Variants in SPIN1 observed in about 807,000 individuals in gnomAD.
The protein encoded by SPIN1 is spindlin 1, also known as spindlin-1.
A neutral mutation model predicts 26.0 loss-of-function variants in SPIN1; 3 were observed. That is an observed-to-expected ratio of 0.12 (90% confidence interval 0.05 to 0.30). The LOEUF (loss-of-function observed/expected upper bound fraction) is 0.30. Among genes scored for constraint, SPIN1 ranks in the 10% least tolerant of loss-of-function variants. The pLI, the probability that SPIN1 is intolerant of heterozygous loss-of-function variation, is 1.00. For synonymous variants in SPIN1, 101 were observed against 116.5 expected (o/e 0.87, Z 0.86); for missense variants, 126 against 333.4 (o/e 0.38, Z 4.84).
intron 4 of SPIN1, among the ~76,000 whole-genome samples, chr9:88,463,972 T>C (rs1294945830): frequency 6.6e-6 from 1 of 152,198 alleles, no homozygotes. Flanking sequence ...AGACGACAGC[T>C]AGCTCACTTG....
chr9:88,425,849 C>T (rs1204930674), intron 1 of SPIN1, among the ~76,000 whole-genome samples: 1 of 152,084 alleles, frequency 6.6e-6, no homozygotes, highest in African/African-American at 2.4e-5. Context: ...TTCTCTTGCC[C>T]AAGACCCTGG....
chr9:88,393,797 C>G (rs894079605), intron 1 of SPIN1, among the ~76,000 whole-genome samples: 2 of 151,624 alleles, frequency 1.3e-5, no homozygotes, highest in South Asian at 2.1e-4. Flanking sequence ...TTTTTTCTTT[C>G]TCTCTTTAGC....
At chr9:88,441,397 T>TCG (rs1398175693) in intron 2 of SPIN1, among the ~76,000 whole-genome samples, 1,138 of 102,126 alleles carry the variant, frequency 0.011, 23 homozygotes, top group African/African-American at 0.072. Context: ...TTGCTGCCAT[T>TCG]CGTGTGTGTG....
At chr9:88,392,585 C>T (rs1204976967) in intron 1 of SPIN1, among the ~76,000 whole-genome samples, 2 of 151,958 alleles carry the variant, frequency 1.3e-5, no homozygotes, top group East Asian at 3.9e-4. Flanking sequence ...CCTCTCCTCT[C>T]CTCTCTTCTC....
chr9:88,449,821 G>A (rs2118137717), intron 3 of SPIN1, among the ~76,000 whole-genome samples: 1 of 152,134 alleles, frequency 6.6e-6, no homozygotes, highest in East Asian at 1.9e-4. Flanking sequence ...ACCATCGTGA[G>A]GCACTCTTAA....
intron 2 of SPIN1, among the ~76,000 whole-genome samples, chr9:88,431,572 A>G (rs915209327): frequency 3.9e-5 from 6 of 152,222 alleles, no homozygotes; most frequent in Non-Finnish European, 8.8e-5. Context: ...TTACAGAAGT[A>G]GGCCACTGTG....
intron 2 of SPIN1, among the ~76,000 whole-genome samples, chr9:88,442,309 A>G (rs184710816): frequency 5.4e-4 from 81 of 151,290 alleles, no homozygotes; most frequent in Non-Finnish European, 4.4e-4. Context: ...AGTTCCCTCT[A>G]CTATCTTCCT....
intron 1 of SPIN1, among the ~76,000 whole-genome samples, chr9:88,399,538 C>G (rs1347964488): frequency 6.6e-6 from 1 of 152,064 alleles, no homozygotes; most frequent in Non-Finnish European, 1.5e-5. Context: ...GGATCCTTGG[C>G]AAATGTAGCC....
intron 1 of SPIN1, among the ~76,000 whole-genome samples, chr9:88,409,727 A>C (rs1827396552): frequency 6.6e-6 from 1 of 151,798 alleles, no homozygotes; most frequent in South Asian, 2.1e-4. Flanking sequence ...AGTCCCAGCT[A>C]CTCAGGAGGC....
intron 4 of SPIN1, among the ~76,000 whole-genome samples, chr9:88,465,688 G>A (rs1034493308): frequency 1.3e-5 from 2 of 152,138 alleles, no homozygotes; most frequent in Non-Finnish European, 1.5e-5. Flanking sequence ...ATGTTCTGGA[G>A]ACATGAGTTT....
chr9:88,444,044 C>A (rs918135032), intron 2 of SPIN1, among the ~76,000 whole-genome samples: 10 of 151,978 alleles, frequency 6.6e-5, no homozygotes, highest in African/African-American at 2.4e-4. Flanking sequence ...GCCTGCCTCT[C>A]CAGTTTTGGG....
intron 1 of SPIN1, among the ~76,000 whole-genome samples, chr9:88,413,546 G>C (rs1220228444): frequency 6.6e-6 from 1 of 150,598 alleles, no homozygotes; most frequent in Non-Finnish European, 1.5e-5. Context: ...ACCACACCTG[G>C]CTAATTTTTT....
intron 2 of SPIN1, among the ~76,000 whole-genome samples, chr9:88,447,463 G>A (rs1329905082): frequency 1.3e-5 from 2 of 152,046 alleles, no homozygotes; most frequent in African/African-American, 4.8e-5. Context: ...ATGCCCTTTC[G>A]AGACTGTTGG....
chr9:88,410,463 T>A, intron 1 of SPIN1: 1 of 686,198 alleles, frequency 1.5e-6, no homozygotes, highest in East Asian at 2.8e-5. Context: ...TTCACAAATC[T>A]GTTTTAACCT....
intron 2 of SPIN1, among the ~76,000 whole-genome samples, chr9:88,430,946 G>A (rs1238843362): frequency 2.7e-5 from 4 of 148,978 alleles, no homozygotes; most frequent in Non-Finnish European, 5.9e-5. Context: ...GCAATGGCAC[G>A]ATCTTGGCTT....
chr9:88,402,412 T>G (rs1460774226), intron 1 of SPIN1, among the ~76,000 whole-genome samples: 1 of 152,194 alleles, frequency 6.6e-6, no homozygotes, highest in Non-Finnish European at 1.5e-5. Flanking sequence ...ACATTAGAAC[T>G]TTCTAACTGT....
intron 3 of SPIN1, among the ~76,000 whole-genome samples, chr9:88,449,286 C>A (rs1053012048): frequency 6.6e-6 from 1 of 152,022 alleles, no homozygotes; most frequent in Non-Finnish European, 1.5e-5. Context: ...TCTCCCTCTT[C>A]TCTCCTTGGA....
At chr9:88,389,309 T>G (rs930723912) in intron 1 of SPIN1, 3 of 152,188 alleles carry the variant, frequency 2.0e-5, no homozygotes, top group Non-Finnish European at 2.9e-5. Context: ...CGTCAAGGAA[T>G]GTGTTGAAAC....
chr9:88,411,175 T>C, intron 1 of SPIN1: 1 of 1,405,252 alleles, frequency 7.1e-7, no homozygotes, highest in South Asian at 1.1e-5. Flanking sequence ...CACCTGGTCT[T>C]TAAGAATCTT....
Sources: allele counts gnomAD v4.1 joint callset (sites outside exome capture counted in the v4.1 genomes callset), GRCh38; gene constraint gnomAD v4.1.1; transcripts MANE v1.5; gene names NCBI Gene and HGNC (gene_info 2026-07-23, HGNC 2026-07-21).